Variants in NOL8 observed in about 807,000 individuals in gnomAD.
The protein encoded by NOL8 is nucleolar protein Nop132.
NOL8 carries 93 observed loss-of-function variants against 116.1 expected under a neutral mutation model. The observed-to-expected ratio is 0.80, with a 90% CI of 0.68 to 0.95. NOL8 has a LOEUF of 0.95. NOL8 is among the 40% of genes least tolerant of loss of function. The pLI is 0.00. For synonymous variants in NOL8, 419 were observed against 469.0 expected (o/e 0.89, Z 1.38); for missense variants, 1,291 against 1,382.8 (o/e 0.93, Z 1.05).
rs926580420 is a variant in NOL8, at chr9:92,310,845, T to C, written c.2473-170A>G. The C allele has an allele frequency of 4.4e-6, 3 of 681,410 alleles. No individual in the cohort carries two copies. In the African/African-American group the frequency reaches 5.4e-5, roughly 12 times the overall value. 42.2% of individuals were successfully genotyped at this position (681,410 alleles called of 1,614,324 possible). A position where few individuals can be genotyped will look rare whatever the true frequency, so the allele number is the denominator to read the frequency against. On this transcript the variant is annotated intron_variant, in intron 8 of 16. Transcript: ENST00000442668. ...CTGACTCAGTGAAATCTAACTGGCC[T>C]CTGGGATCACTAATCCAGAGGCTCT...
intron 11 of NOL8, 104 bp downstream of exon 11, chr9:92,306,782 C>G: frequency 1.9e-6 from 2 of 1,045,200 alleles, no homozygotes; most frequent in Non-Finnish European, 2.8e-6. Flanking sequence ...ATATTGCCAG[C>G]TGCCTCCCCA....
intron 10 of NOL8, 46 bp downstream of exon 10, chr9:92,310,125 G>A: frequency 7.4e-7 from 1 of 1,358,464 alleles, no homozygotes; most frequent in Non-Finnish European, 1.0e-6. Context: ...TGATTTCTCA[G>A]TGTCCCCAGA....
In NOL8 at chr9:92,305,768, T is replaced by G. The variant is rs1274573445; in HGVS notation, c.2888A>C (p.Asp963Ala). 1.2e-5 allele frequency: 20 copies of G among 1,608,554 alleles called. No homozygotes were observed. The Middle Eastern group carries it at 5.0e-4, about 40-fold the overall frequency. ...CTCTACTTACCTTTCTTTTGGCTTA[T>G]CATCTCTTTTTCTTTCGTAAGTGGC... ...DHATYERKRD[D>A]KPKESKAKRK... The change falls in exon 12 of 17, where the codon GAT (aspartate) becomes GCT (alanine). Residue 963 changes from aspartate (D) to alanine (A), a missense_variant. Coordinates refer to ENST00000442668, the MANE Select transcript of NOL8 (RefSeq NM_017948.6).
At chr9:92,299,365 T>C (rs188324564) in intron 14 of NOL8, among the ~76,000 whole-genome samples, 4 of 152,316 alleles carry the variant, frequency 2.6e-5, no homozygotes, top group Non-Finnish European at 4.4e-5. Flanking sequence ...TTCCCTTTTC[T>C]ATGCACAAAC....
intron 10 of NOL8, among the ~76,000 whole-genome samples, chr9:92,309,193 T>C (rs991945487): frequency 1.3e-5 from 2 of 152,232 alleles, no homozygotes; most frequent in African/African-American, 2.4e-5. Flanking sequence ...AGTCCAACAC[T>C]GTTAATAATC....
Position 92,314,276 on chromosome 9 carries a change from C to T in NOL8, c.2349G>A (p.Leu783=), listed in dbSNP as rs1307613959. Residue 783 remains leucine, a synonymous_variant, in exon 7 of 17, where the codon CTG becomes CTA. Transcript: ENST00000442668. ...TTGAAAATATACTCACCAAATTTGC[C>T]AGAGCATTATGCACCAGCTTCTTCT... is the stretch of plus-strand genomic sequence containing the variant. The part of the protein sequence containing the change: ...EVQKKLVHNA[L]ANLDGHPEDK... The T allele has an allele frequency of 6.4e-7, 1 of 1,561,640 alleles. No individual in the cohort carries two copies. Among genetic ancestry groups the T allele is most frequent in the Non-Finnish European group, 8.7e-7 (1 of 1,153,454 alleles).
intron 4 of NOL8, chr9:92,320,166 T>C (rs1401884972): frequency 4.4e-6 from 2 of 456,008 alleles, no homozygotes; most frequent in Admixed American, 4.7e-5. Context: ...CCTCTTCTGA[T>C]TCAAATCACC....
chr9:92,313,838 A>C (rs60502055), intron 7 of NOL8, among the ~76,000 whole-genome samples: 4,654 of 152,292 alleles, frequency 0.031, 255 homozygotes, highest in African/African-American at 0.11. Flanking sequence ...GTGTAACTGA[A>C]CTGTGACTGT....
Position 92,323,453 on chromosome 9 carries a change from C to T in NOL8, c.190G>A (p.Asp64Asn), listed in dbSNP as rs151033269. ...ATGATGATCTTACATTTTTTCAGGT[C>T]CGCTTCTGCTACACTGATGTTGATA... Reference protein sequence around the residue: ...AYINISVAEADLKKCMSVLNK... With the variant: ...AYINISVAEANLKKCMSVLNK... The change falls in exon 3 of 17, where the codon GAC (aspartate) becomes AAC (asparagine). Residue 64 changes from aspartate to asparagine, a missense_variant. By Grantham distance (23) the Asp-to-Asn change is conservative. Transcript: ENST00000442668. The T allele has an allele frequency of 4.3e-5, 69 of 1,605,354 alleles. No homozygotes were observed. In the East Asian group the frequency reaches 1.5e-3, roughly 34 times the overall value.
chr9:92,314,943 G>A lies in NOL8; in HGVS notation c.1682C>T (p.Pro561Leu). 6.2e-6 allele frequency: 10 copies of A among 1,613,860 alleles called. No individual in the cohort carries two copies. Among genetic ancestry groups the A allele is most frequent in the Non-Finnish European group, 8.5e-6 (10 of 1,179,866 alleles). ...GEENTCGKQK[P>L]KENNLKPKFQ... ...TTTTGGCTTTAAATTGTTTTCCTTT[G>A]GTTTCTGTTTGCCACAGGTGTTCTC... Residue 561 changes from proline to leucine, a missense_variant, in exon 7 of 17, where the codon CCA (proline) becomes CTA (leucine). By Grantham distance (98) the Pro-to-Leu change is moderately conservative. Coordinates refer to ENST00000442668, the MANE Select transcript of NOL8 (RefSeq NM_017948.6).
At position 92,314,518 on chromosome 9, in the gene NOL8, T is replaced by G; in HGVS notation, c.2107A>C (p.Lys703Gln). The G allele has an allele frequency of 6.2e-7, 1 of 1,613,736 alleles. No homozygotes were observed. Among genetic ancestry groups the G allele is most frequent in the Non-Finnish European group, 8.5e-7 (1 of 1,179,730 alleles). ...CGCTCTTCCTGTGAAGCTTCTGTCT[T>G]TGTGGTACTATGGCAGCTGTCTTTG... is the stretch of plus-strand genomic sequence containing the variant. ...FDKDSCHSTT[K>Q]TEASQEERSD... The change falls in exon 7 of 17, where the codon AAG becomes CAG. Residue 703 changes from lysine (K) to glutamine (Q), a missense_variant. Transcript: ENST00000442668.
intron 4 of NOL8, 122 bp from the exon 5 acceptor site, chr9:92,319,478 TAAAAC>T: frequency 1.0e-6 from 1 of 987,740 alleles, no homozygotes; most frequent in East Asian, 3.2e-5. Flanking sequence ...AAAACCAAAA[TAAAAC>T]AAAAATGCTT....
chr9:92,324,508 G>T (rs1420129236), intron 1 of NOL8: 2 of 169,306 alleles, frequency 1.2e-5, no homozygotes, highest in Non-Finnish European at 2.5e-5. Flanking sequence ...CATGTTTTTA[G>T]ATGTTTTTCC....
At position 92,306,957 on chromosome 9, in the gene NOL8, A is replaced by G. The variant is rs748607369; in HGVS notation, c.2754T>C (p.Val918=). 3 of 1,613,490 alleles carry G rather than the reference A, an allele frequency of 1.9e-6. No individual in the cohort carries two copies. The highest frequency in any genetic ancestry group is 2.5e-6 in the Non-Finnish European group (3 of 1,179,690). The change falls in exon 11 of 17, where the codon GTT becomes GTC. Residue 918 remains valine, a synonymous_variant. Transcript: ENST00000442668. ...LAEEKKKALN[V]VQSVLQINLS... is the part of the protein sequence containing the mutation. Reference sequence around the variant, plus strand: ...AGTTGATTTGCAAAACACTTTGTACAACATTCAGGGCTTTCTTTTTTTCTT... The same window carrying G: ...AGTTGATTTGCAAAACACTTTGTACGACATTCAGGGCTTTCTTTTTTTCTT...
At chr9:92,304,982 T>G (rs902925678) in intron 12 of NOL8, among the ~76,000 whole-genome samples, 1 of 152,000 alleles carries the variant, frequency 6.6e-6, no homozygotes, top group Non-Finnish European at 1.5e-5. Context: ...ATTTGCCATG[T>G]TTATCCAACT....
In NOL8 at chr9:92,298,906, A is replaced by G; in HGVS notation, c.3351T>C (p.Ser1117=). 4 of 1,538,882 alleles carry G rather than the reference A, an allele frequency of 2.6e-6. No individual in the cohort carries two copies. The South Asian group carries it at 3.7e-5, about 14-fold the overall frequency. ...EKETTRFFFF[S]KNDERLQGSD... is the part of the protein sequence containing the mutation. ...GACCTTGAAGTCGTTCATCATTCTTAGAGAAAAAGAAAAATCTAGTGGTCT... is the reference window on the plus strand; with the variant it reads ...GACCTTGAAGTCGTTCATCATTCTTGGAGAAAAAGAAAAATCTAGTGGTCT... Residue 1117 remains serine (S), a synonymous_variant, in exon 15 of 17, where the codon TCT becomes TCC. Coordinates refer to ENST00000442668, the MANE Select transcript of NOL8 (RefSeq NM_017948.6).
intron 10 of NOL8, 105 bp from the exon 11 acceptor site, chr9:92,307,129 G>A: frequency 1.7e-6 from 2 of 1,192,208 alleles, no homozygotes; most frequent in Non-Finnish European, 1.2e-6. Context: ...AATCCATTAA[G>A]ACAGGAAGAA....
At chr9:92,301,491 A>G in intron 13 of NOL8, 60 bp downstream of exon 13, 1 of 1,292,596 alleles carries the variant, frequency 7.7e-7, no homozygotes, top group South Asian at 1.5e-5. Context: ...CTTAATGCAG[A>G]TTCAATCAAT....
At chr9:92,307,199 CAG>C (rs1298009898) in intron 10 of NOL8, among the ~76,000 whole-genome samples, 175 bp from the exon 11 acceptor site, 3 of 152,168 alleles carry the variant, frequency 2.0e-5, no homozygotes, top group Non-Finnish European at 4.4e-5. Flanking sequence ...ATAGCAAACT[CAG>C]AAAGTCTGCG....
Sources: allele counts gnomAD v4.1 joint callset (sites outside exome capture counted in the v4.1 genomes callset), GRCh38; gene constraint gnomAD v4.1.1; transcripts MANE v1.5; gene names NCBI Gene and HGNC (gene_info 2026-07-23, HGNC 2026-07-21).